SLC8A1: variants seen among roughly 807,000 people sequenced by gnomAD.
SLC8A1 encodes solute carrier family 8 member A1, also known as sodium/calcium exchanger 1.
A neutral mutation model predicts 68.3 loss-of-function variants in SLC8A1; 18 were observed. That is an observed-to-expected ratio of 0.26 (90% CI 0.18 to 0.39). The LOEUF (loss-of-function observed/expected upper bound fraction) is 0.39, where lower values mean the gene tolerates loss of function less well. SLC8A1 is among the 10% of genes least tolerant of loss of function. The pLI is 1.00. For missense variants in SLC8A1, 985 were observed against 1,156.7 expected (o/e 0.85, Z 2.15); for synonymous variants, 475 against 415.5 (o/e 1.14, Z -1.74).
At chr2:40,421,677 C>T (rs1435347167) in intron 2 of SLC8A1, among the ~76,000 whole-genome samples, 2 of 152,104 alleles carry the variant, frequency 1.3e-5, no homozygotes, top group Non-Finnish European at 2.9e-5. Flanking sequence ...CACCAAAGAA[C>T]ACAATGCCTA....
chr2:40,461,350 C>G (rs1375076637), intron 1 of SLC8A1, among the ~76,000 whole-genome samples: 1 of 152,138 alleles, frequency 6.6e-6, no homozygotes, highest in Non-Finnish European at 1.5e-5. Context: ...TGCCTAACTT[C>G]TCTACAGACA....
chr2:40,376,658 G>A (rs900214247), intron 2 of SLC8A1, among the ~76,000 whole-genome samples: 2 of 152,060 alleles, frequency 1.3e-5, no homozygotes, highest in African/African-American at 2.4e-5. Flanking sequence ...ACAGGACCAG[G>A]CAACCATGGA....
chr2:40,422,336 C>T (rs575072297), intron 2 of SLC8A1, among the ~76,000 whole-genome samples: 37 of 152,212 alleles, frequency 2.4e-4, no homozygotes, highest in African/African-American at 8.2e-4. Context: ...TATAGGAAAA[C>T]CTCAATAGTT....
chr2:40,197,103 A>G (rs2053194578), intron 2 of SLC8A1, among the ~76,000 whole-genome samples: 1 of 152,016 alleles, frequency 6.6e-6, no homozygotes, highest in Non-Finnish European at 1.5e-5. Flanking sequence ...GAAGCCTGTT[A>G]CTTGTTACTG....
exon 8 of SLC8A1, chr2:40,102,378 T>C (rs911812155): frequency 1.3e-5 from 2 of 148,818 alleles, no homozygotes; most frequent in African/African-American, 4.9e-5. Context: ...TTTTTTTTCC[T>C]AGTCAAATCC....
At chr2:40,495,360 G>A (rs1187332739) in intron 1 of SLC8A1, among the ~76,000 whole-genome samples, 1 of 152,032 alleles carries the variant, frequency 6.6e-6, no homozygotes, top group African/African-American at 2.4e-5. Context: ...AGTGTTTTAT[G>A]AGGAAAGTGT....
chr2:40,497,661 C>G (rs1170979781), intron 1 of SLC8A1, among the ~76,000 whole-genome samples: 2 of 151,936 alleles, frequency 1.3e-5, no homozygotes, highest in Non-Finnish European at 2.9e-5. Flanking sequence ...TTCAGTGAAT[C>G]ATAAGTAGTT....
chr2:40,260,452 T>C (rs976113886), intron 2 of SLC8A1, among the ~76,000 whole-genome samples: 1 of 152,200 alleles, frequency 6.6e-6, no homozygotes, highest in African/African-American at 2.4e-5. Context: ...CCTACTCTGA[T>C]TGACTTAGGC....
At chr2:40,126,913 G>T (rs1354862165) in intron 7 of SLC8A1, among the ~76,000 whole-genome samples, 1 of 152,162 alleles carries the variant, frequency 6.6e-6, no homozygotes, top group Non-Finnish European at 1.5e-5. Flanking sequence ...ACATAGTGGG[G>T]GCTCCTTAAG....
intron 1 of SLC8A1, among the ~76,000 whole-genome samples, chr2:40,476,626 A>G (rs1387171696): frequency 6.6e-6 from 1 of 152,188 alleles, no homozygotes; most frequent in Admixed American, 6.5e-5. Flanking sequence ...GTCATGGAAA[A>G]TAGTAATTTC....
intron 5 of SLC8A1, among the ~76,000 whole-genome samples, chr2:40,161,123 G>C (rs533320999): frequency 6.6e-6 from 1 of 152,242 alleles, no homozygotes; most frequent in South Asian, 2.1e-4. Flanking sequence ...TCAGTGTTTA[G>C]AATAGCAGAT....
At chr2:40,293,816 C>T (rs1208409157) in intron 2 of SLC8A1, among the ~76,000 whole-genome samples, 1 of 151,922 alleles carries the variant, frequency 6.6e-6, no homozygotes, top group African/African-American at 2.4e-5. Context: ...ATGGTATATT[C>T]ATTTACATAA....
At chr2:40,358,718 A>G (rs1292112475) in intron 2 of SLC8A1, among the ~76,000 whole-genome samples, 2 of 152,206 alleles carry the variant, frequency 1.3e-5, no homozygotes, top group South Asian at 2.1e-4. Flanking sequence ...AGGTGCTGCT[A>G]GGATTCTAAG....
At chr2:40,313,620 C>T (rs921477479) in intron 2 of SLC8A1, among the ~76,000 whole-genome samples, 2 of 151,846 alleles carry the variant, frequency 1.3e-5, no homozygotes. Flanking sequence ...CCAGACTGGT[C>T]TTGAACTGCT....
At chr2:40,263,156 G>A (rs188349499) in intron 2 of SLC8A1, among the ~76,000 whole-genome samples, 1 of 152,322 alleles carries the variant, frequency 6.6e-6, no homozygotes, top group Admixed American at 6.5e-5. Flanking sequence ...CTGAAGCCAT[G>A]CTCCACCATT....
intron 7 of SLC8A1, among the ~76,000 whole-genome samples, chr2:40,117,496 T>G (rs1572734505): frequency 7.6e-6 from 1 of 131,162 alleles, no homozygotes; most frequent in Admixed American, 8.2e-5. Flanking sequence ...ACCCGGGAGG[T>G]GGAGGTTGCA....
chr2:40,251,647 A>G (rs575072363), intron 2 of SLC8A1: 79 of 152,306 alleles, frequency 5.2e-4, no homozygotes, highest in African/African-American at 1.8e-3. Flanking sequence ...GGATCTTTTC[A>G]TTGAGACGCT....
At chr2:40,097,919 T>C (rs1481118205) in exon 8 of SLC8A1, 2 of 152,028 alleles carry the variant, frequency 1.3e-5, no homozygotes, top group African/African-American at 4.8e-5. Context: ...GCTTACCCTT[T>C]GAAATCACAT....
chr2:40,336,994 G>C (rs1666168677), intron 2 of SLC8A1, among the ~76,000 whole-genome samples: 1 of 152,146 alleles, frequency 6.6e-6, no homozygotes, highest in African/African-American at 2.4e-5. Context: ...TCAGTAACTA[G>C]CATCCTTAAA....
Sources: gnomAD v4.1 joint callset for allele counts (sites outside exome capture counted in the v4.1 genomes callset) on GRCh38, gnomAD v4.1.1 for gene constraint, MANE v1.5 for transcripts, NCBI Gene and HGNC (gene_info 2026-07-23, HGNC 2026-07-21) for gene names.